Variants in RPH3AL observed in about 807,000 individuals in gnomAD.
RPH3AL encodes the protein rabphilin 3A like (without C2 domains).
RPH3AL carries 38 observed loss-of-function variants against 43.1 expected under a neutral mutation model. That is an observed-to-expected ratio of 0.88 (90% CI 0.68 to 1.15). The LOEUF (loss-of-function observed/expected upper bound fraction) is 1.15, where lower values mean the gene tolerates loss of function less well. Among genes scored for constraint, RPH3AL ranks in the 50% most tolerant of loss-of-function variants. The pLI is 0.00. For synonymous variants in RPH3AL, 189 were observed against 176.3 expected (o/e 1.07, Z -0.57); for missense variants, 462 against 423.2 (o/e 1.09, Z -0.81).
chr17:244,125 C>T (rs796504442), intron 7 of RPH3AL, among the ~76,000 whole-genome samples: 21 of 149,082 alleles, frequency 1.4e-4, no homozygotes, highest in African/African-American at 5.0e-4. Flanking sequence ...ATTGATTACC[C>T]TTCCTCTATT....
chr17:307,171 A>G (rs928682389), intron 5 of RPH3AL, among the ~76,000 whole-genome samples: 7 of 145,426 alleles, frequency 4.8e-5, no homozygotes, highest in African/African-American at 1.5e-4. Flanking sequence ...GGCCCATCCC[A>G]CGGCAGATCC....
At chr17:268,966 C>T (rs1046363791) in intron 6 of RPH3AL, among the ~76,000 whole-genome samples, 13 of 152,162 alleles carry the variant, frequency 8.5e-5, no homozygotes, top group African/African-American at 2.4e-4. Context: ...GCAAGCTCTG[C>T]CTCCCGGGTT....
intron 6 of RPH3AL, among the ~76,000 whole-genome samples, chr17:257,027 T>G (rs1346683983): frequency 2.9e-4 from 2 of 6,884 alleles, no homozygotes; most frequent in East Asian, 0.019. Context: ...CCTAGGAATG[T>G]GACTACCCTA....
At position 215,682 on chromosome 17, in the gene RPH3AL, G is replaced by T. The variant is rs746703798; in HGVS notation, c.848C>A (p.Pro283His). Residue 283 changes from proline (P) to histidine (H), a missense_variant, in exon 9 of 10, where the codon CCC (proline) becomes CAC (histidine). Coordinates refer to ENST00000331302, the MANE Select transcript of RPH3AL (RefSeq NM_006987.4). This position sits in a 1 kb window ranked among gnomAD's most constrained non-coding sequence, Gnocchi z 4.1. ...GTGSADPPGG[P>H]RPGLTRRAPV... ...GGCCCTTCGGGTCAGCCCGGGGCGG[G>T]GTCCCCCTGGCGGGTCAGCAGAGCC... The T allele has an allele frequency of 7.8e-7, 1 of 1,275,746 alleles. No homozygotes were observed. 79.0% of individuals were successfully genotyped at this position (1,275,746 alleles called of 1,614,324 possible). A position where few individuals can be genotyped will look rare whatever the true frequency, so the allele number is the denominator to read the frequency against.
intron 6 of RPH3AL, among the ~76,000 whole-genome samples, chr17:252,852 C>G (rs2041941928): frequency 6.6e-6 from 1 of 152,180 alleles, no homozygotes; most frequent in South Asian, 2.1e-4. Context: ...ATCTGAAATG[C>G]TCCAGTGAGT....
chr17:224,247 TTAAAG>T (rs879837999), intron 7 of RPH3AL, among the ~76,000 whole-genome samples: 4,431 of 152,220 alleles, frequency 0.029, 109 homozygotes, highest in Non-Finnish European at 0.045. Context: ...TTCACCCTCT[TTAAAG>T]GTTCCCCATG....
intron 1 of RPH3AL, among the ~76,000 whole-genome samples, chr17:351,824 T>C (rs2045359456): frequency 1.3e-5 from 2 of 152,188 alleles, no homozygotes; most frequent in African/African-American, 4.8e-5. Context: ...AGTTATGCTC[T>C]AATACACATG....
chr17:337,385 G>A (rs1474890261), intron 1 of RPH3AL, among the ~76,000 whole-genome samples: 3 of 152,122 alleles, frequency 2.0e-5, no homozygotes, highest in Admixed American at 6.5e-5. Flanking sequence ...ATGGGAGTAC[G>A]CCACGACACC....
Position 228,013 on chromosome 17 carries a change from G to A in RPH3AL, c.614-8277C>T, listed in dbSNP as rs772549376. Among the ~76,000 whole-genome samples, 23 of 152,288 alleles carry A rather than the reference G, an allele frequency of 1.5e-4. No homozygotes were observed. The Middle Eastern group carries it at 0.014, about 90-fold the overall frequency. On this transcript the variant is annotated intron_variant, in intron 7 of 9. Coordinates refer to ENST00000331302, the MANE Select transcript of RPH3AL (RefSeq NM_006987.4). ...GACTGTCTGTCCCTGCTGGGACAGG[G>A]GACGGCTGCTCCACCTGCACACAGG...
chr17:252,285 T>C (rs1050234565), intron 6 of RPH3AL, among the ~76,000 whole-genome samples: 1 of 152,120 alleles, frequency 6.6e-6, no homozygotes, highest in African/African-American at 2.4e-5. Flanking sequence ...TCTCCCTTTT[T>C]TTATTTTCCT....
Position 245,010 on chromosome 17 carries a change from G to T in RPH3AL, c.613+2101C>A, listed in dbSNP as rs1254666823. On this transcript the variant is annotated intron_variant, in intron 7 of 9. Transcript: ENST00000331302. This position sits in a 1 kb window ranked among gnomAD's most constrained non-coding sequence, Gnocchi z 5.9. ...AGTGTGTATGCATGTGGATATGAGT[G>T]TGTGTATGTGGATGTGTGTGTGGAT... Among the ~76,000 whole-genome samples the T allele has an allele frequency of 6.6e-6, 1 of 152,170 alleles. No homozygotes were observed. Among genetic ancestry groups the T allele is most frequent in the Admixed American group, 6.5e-5 (1 of 15,286 alleles).
At position 213,894 on chromosome 17, in the gene RPH3AL, A is replaced by C; in HGVS notation, c.906T>G (p.Ala302=). 6.2e-7 allele frequency: 1 copy of C among 1,613,764 alleles called. No homozygotes were observed. The highest frequency in any genetic ancestry group is 8.5e-7 in the Non-Finnish European group (1 of 1,179,956). Residue 302 remains alanine (A), a synonymous_variant, in exon 10 of 10, where the codon GCT becomes GCG. Transcript: ENST00000331302. ...PVKDTPGRAP[A]ADAAPAGPSS... ...AGGGGCCTGCTGGAGCTGCGTCAGC[A>C]GCGGGGGCTCGTCCAGGTGTGTCTT...
rs1420440505 is a variant in RPH3AL, at chr17:344,115, GTCA to G, written c.-213+8594_-213+8596del. 3.1e-5 allele frequency among the ~76,000 whole-genome samples: 4 copies of G among 130,416 alleles called. 1 individual carries two copies. Among genetic ancestry groups the G allele is most frequent in the Admixed American group, 1.5e-4 (2 of 13,654 alleles). 85.6% of individuals were successfully genotyped at this position (130,416 alleles called of 152,430 possible). Reference sequence around the variant, plus strand: ...ATTGTCACCATCATATTCACCTCCAGTCATCATCACCATCAGACATTGTCATCA... The same window carrying G: ...ATTGTCACCATCATATTCACCTCCAGTCATCACCATCAGACATTGTCATCA... On this transcript the variant is annotated intron_variant, in intron 1 of 9. Coordinates refer to ENST00000331302, the MANE Select transcript of RPH3AL (RefSeq NM_006987.4).
chr17:300,870 C>G (rs2043311474), intron 5 of RPH3AL, among the ~76,000 whole-genome samples: 2 of 151,760 alleles, frequency 1.3e-5, no homozygotes, highest in Non-Finnish European at 2.9e-5. Context: ...CTCACCCGCT[C>G]TAGCAGGGGC....
intron 6 of RPH3AL, among the ~76,000 whole-genome samples, chr17:278,464 G>A (rs571532532): frequency 6.6e-6 from 1 of 152,246 alleles, no homozygotes; most frequent in East Asian, 1.9e-4. Flanking sequence ...TCTCCTCGCT[G>A]TGCCTCAGAT....
chr17:314,497 T>TGCG (rs568971211), intron 5 of RPH3AL, among the ~76,000 whole-genome samples: 1 of 120,840 alleles, frequency 8.3e-6, no homozygotes, highest in Non-Finnish European at 1.8e-5. Flanking sequence ...GTAGTCCCTA[T>TGCG]ACTCCACGTC....
At chr17:230,784 G>A (rs535438477) in intron 7 of RPH3AL, among the ~76,000 whole-genome samples, 54 of 152,306 alleles carry the variant, frequency 3.5e-4, no homozygotes, top group African/African-American at 1.0e-3. Flanking sequence ...CTTTCTCTCC[G>A]TGTGTCTCTG....
At chr17:216,367 AC>A (rs1417993496) in intron 8 of RPH3AL, among the ~76,000 whole-genome samples, 1 of 151,398 alleles carries the variant, frequency 6.6e-6, no homozygotes, top group Non-Finnish European at 1.5e-5. Flanking sequence ...CACAATTATC[AC>A]AGAATGGGGG....
intron 5 of RPH3AL, among the ~76,000 whole-genome samples, chr17:307,620 G>T (rs947462201): frequency 1.3e-5 from 2 of 152,190 alleles, no homozygotes; most frequent in Non-Finnish European, 2.9e-5. Context: ...CTGACCAGGG[G>T]ACAGGTCATG....
Sources: gnomAD v4.1 joint callset for allele counts (sites outside exome capture counted in the v4.1 genomes callset) on GRCh38, gnomAD v4.1.1 for gene constraint, Gnocchi (gnomAD v3.1) non-coding constraint, MANE v1.5 for transcripts, NCBI Gene and HGNC (gene_info 2026-07-23, HGNC 2026-07-21) for gene names.